Variants in STPG2 observed in about 807,000 individuals in gnomAD.
STPG2 encodes sperm tail PG-rich repeat containing 2, also known as sperm-tail PG-rich repeat-containing protein 2.
In STPG2, 56 loss-of-function variants were observed where a neutral mutation model predicts 54.2. The ratio of observed to expected loss-of-function variants is 1.03; its 90% confidence interval spans 0.83 to 1.29. The LOEUF is 1.29. STPG2 is among the 50% of genes most tolerant of loss of function. The pLI, the probability that STPG2 is intolerant of heterozygous loss-of-function variation, is 0.00. For synonymous variants in STPG2, 200 were observed against 181.8 expected (o/e 1.10, Z -0.81); for missense variants, 596 against 544.9 (o/e 1.09, Z -0.93).
chr4:97,681,991 A>C (rs1723049246), intron 10 of STPG2, among the ~76,000 whole-genome samples: 1 of 151,850 alleles, frequency 6.6e-6, no homozygotes, highest in South Asian at 2.1e-4. Context: ...ATGATTATTA[A>C]TAATAAGCAA....
At chr4:98,040,506 G>A (rs1394986874) in intron 5 of STPG2, among the ~76,000 whole-genome samples, 1 of 151,798 alleles carries the variant, frequency 6.6e-6, no homozygotes, top group Non-Finnish European at 1.5e-5. Context: ...TATGGTGAGA[G>A]ATATGGGTCC....
At chr4:97,840,372 C>T (rs971845805) in intron 9 of STPG2, among the ~76,000 whole-genome samples, 1 of 151,358 alleles carries the variant, frequency 6.6e-6, no homozygotes, top group African/African-American at 2.4e-5. Context: ...AATTAAGAGA[C>T]ATAACCCACC....
intron 8 of STPG2, among the ~76,000 whole-genome samples, chr4:97,931,032 T>C (rs560890788): frequency 3.3e-5 from 5 of 152,338 alleles, no homozygotes; most frequent in South Asian, 2.1e-4. Context: ...TAGATTGATG[T>C]TATATCCTTA....
chr4:98,030,001 G>A (rs1736542767), intron 5 of STPG2, among the ~76,000 whole-genome samples: 2 of 152,092 alleles, frequency 1.3e-5, no homozygotes, highest in South Asian at 4.1e-4. Flanking sequence ...TTTCACCTTG[G>A]AGGGGATATT....
intron 9 of STPG2, among the ~76,000 whole-genome samples, chr4:97,751,467 CT>C (rs1325768593): frequency 6.6e-6 from 1 of 151,722 alleles, no homozygotes; most frequent in Non-Finnish European, 1.5e-5. Flanking sequence ...TGCATGTACT[CT>C]TCAGAGTGAA....
At chr4:98,043,763 T>C (rs1737036621) in intron 5 of STPG2, among the ~76,000 whole-genome samples, 1 of 152,086 alleles carries the variant, frequency 6.6e-6, no homozygotes, top group South Asian at 2.1e-4. Context: ...TATGAATTTA[T>C]TTTATTTTTA....
intron 5 of STPG2, among the ~76,000 whole-genome samples, chr4:98,068,582 C>T (rs1737902490): frequency 6.6e-6 from 1 of 152,068 alleles, no homozygotes; most frequent in Non-Finnish European, 1.5e-5. Flanking sequence ...GAAAATTATC[C>T]ATTTCTTCCC....
chr4:97,520,381 T>C (rs993452172), intron 4 of STPG2, among the ~76,000 whole-genome samples: 11 of 152,104 alleles, frequency 7.2e-5, no homozygotes, highest in Non-Finnish European at 1.5e-4. Flanking sequence ...AAACTAGCCT[T>C]GACCAATCGC....
At chr4:97,558,075 G>A (rs555879621), downstream of STPG2, among the ~76,000 whole-genome samples, 1 of 152,250 alleles carries the variant, frequency 6.6e-6, no homozygotes, top group South Asian at 2.1e-4. Flanking sequence ...TTTCAGAGTG[G>A]CTGCATATAT....
intron 5 of STPG2, among the ~76,000 whole-genome samples, chr4:97,988,969 A>C (rs903231514): frequency 6.6e-6 from 1 of 152,166 alleles, no homozygotes; most frequent in East Asian, 1.9e-4. Context: ...TTAAACTGAT[A>C]ATAATTTGAA....
chr4:97,800,602 G>T (rs2149089396), intron 9 of STPG2, among the ~76,000 whole-genome samples: 1 of 152,336 alleles, frequency 6.6e-6, no homozygotes, highest in South Asian at 2.1e-4. Context: ...AATGGGGGGT[G>T]CCTCCCAGTT....
intron 9 of STPG2, among the ~76,000 whole-genome samples, chr4:97,819,246 G>A (rs1728010481): frequency 6.6e-6 from 1 of 151,876 alleles, no homozygotes; most frequent in African/African-American, 2.4e-5. Flanking sequence ...CACTCAGCAA[G>A]AGTGATGAAC....
chr4:97,487,422 A>G (rs1359962510), intron 4 of STPG2, among the ~76,000 whole-genome samples: 3 of 151,638 alleles, frequency 2.0e-5, no homozygotes, highest in African/African-American at 7.3e-5. Context: ...TAAAAATTTT[A>G]TATAAAACAT....
At chr4:97,930,569 T>G (rs1732505214) in intron 8 of STPG2, among the ~76,000 whole-genome samples, 1 of 152,220 alleles carries the variant, frequency 6.6e-6, no homozygotes, top group Admixed American at 6.5e-5. Context: ...CATGCTGTTT[T>G]GGTTACTGCA....
intron 9 of STPG2, among the ~76,000 whole-genome samples, chr4:97,786,466 C>A (rs1429078348): frequency 6.6e-6 from 1 of 152,072 alleles, no homozygotes; most frequent in Admixed American, 6.6e-5. Context: ...GCATTGCTAG[C>A]AAGTTCAAAT....
At chr4:97,536,275 T>A (rs1731528679) in intron 4 of STPG2, among the ~76,000 whole-genome samples, 2 of 152,306 alleles carry the variant, frequency 1.3e-5, no homozygotes, top group South Asian at 4.1e-4. Context: ...TACCCAGACT[T>A]CATCAGAATT....
intron 7 of STPG2, among the ~76,000 whole-genome samples, chr4:97,961,435 G>A (rs773745199): frequency 6.6e-6 from 1 of 152,158 alleles, no homozygotes; most frequent in Admixed American, 6.5e-5. Context: ...CATAGAGTGG[G>A]AGAAAATCAT....
At chr4:98,103,211 CA>C (rs573278042) in intron 5 of STPG2, among the ~76,000 whole-genome samples, 111 of 152,148 alleles carry the variant, frequency 7.3e-4, no homozygotes, top group African/African-American at 2.6e-3. Context: ...AAAAGTCACC[CA>C]TAATTTCACC....
chr4:97,818,274 T>C (rs1578591219), intron 9 of STPG2, among the ~76,000 whole-genome samples: 1 of 151,988 alleles, frequency 6.6e-6, no homozygotes, highest in African/African-American at 2.4e-5. Context: ...AACTCCAGTG[T>C]ATGCCTGAAA....
Sources: gnomAD v4.1 joint callset for allele counts (sites outside exome capture counted in the v4.1 genomes callset) on GRCh38, gnomAD v4.1.1 for gene constraint, MANE v1.5 for transcripts, NCBI Gene and HGNC (gene_info 2026-07-23, HGNC 2026-07-21) for gene names.